The following SNTG2 variants were observed in gnomAD, a reference collection of about 807,000 sequenced individuals.
SNTG2 encodes the protein syntrophin gamma 2, also known as gamma-2-syntrophin.
A neutral mutation model predicts 70.9 loss-of-function variants in SNTG2; 74 were observed. That is an observed-to-expected ratio of 1.04 (90% CI 0.86 to 1.27). The LOEUF is 1.27. Ranked by LOEUF, SNTG2 falls within the 50% of genes most tolerant of loss-of-function variation. The pLI, the probability that SNTG2 is intolerant of heterozygous loss-of-function variation, is 0.00. For missense variants in SNTG2, 717 were observed against 690.7 expected, an observed-to-expected ratio of 1.04 and a Z score of -0.43; for synonymous variants, 278 against 273.8, an observed-to-expected ratio of 1.02 and a Z score of -0.15.
chr2:1,032,449 C>T (rs943840343), intron 1 of SNTG2, among the ~76,000 whole-genome samples: 1 of 152,094 alleles, frequency 6.6e-6, no homozygotes, highest in African/African-American at 2.4e-5. Flanking sequence ...TTTTAGATAG[C>T]CCAAAAATAT....
At chr2:1,140,553 G>A (rs1668679490) in intron 6 of SNTG2, among the ~76,000 whole-genome samples, 1 of 152,244 alleles carries the variant, frequency 6.6e-6, no homozygotes, top group Non-Finnish European at 1.5e-5. Context: ...CTGATCCCGA[G>A]TGAGGCGCTC....
At chr2:1,337,695 G>C (rs983848601) in intron 16 of SNTG2, among the ~76,000 whole-genome samples, 1 of 152,004 alleles carries the variant, frequency 6.6e-6, no homozygotes, top group African/African-American at 2.4e-5. Flanking sequence ...ATTAATGTTG[G>C]TGCAATCTAA....
At chr2:984,571 C>T (rs1277424782) in intron 1 of SNTG2, among the ~76,000 whole-genome samples, 2 of 152,192 alleles carry the variant, frequency 1.3e-5, no homozygotes, top group African/African-American at 4.8e-5. Flanking sequence ...CTGACTGCTT[C>T]TGGTTCCCCA....
chr2:1,218,461 C>G (rs1280657176), intron 9 of SNTG2, among the ~76,000 whole-genome samples: 1 of 152,240 alleles, frequency 6.6e-6, no homozygotes, highest in Admixed American at 6.5e-5. Context: ...CTTAGAAATT[C>G]ATCCTTTTAA....
intron 1 of SNTG2, among the ~76,000 whole-genome samples, chr2:977,420 C>T (rs968824043): frequency 6.6e-6 from 1 of 152,140 alleles, no homozygotes; most frequent in Non-Finnish European, 1.5e-5. Flanking sequence ...TGGGAAAGTT[C>T]GCTGGATTTA....
chr2:996,987 G>A (rs963692873), intron 1 of SNTG2, among the ~76,000 whole-genome samples: 1 of 151,992 alleles, frequency 6.6e-6, no homozygotes, highest in Admixed American at 6.6e-5. Context: ...TGTGTGTCTG[G>A]TCATCAACTC....
intron 1 of SNTG2, among the ~76,000 whole-genome samples, chr2:1,067,407 T>G (rs903204729): frequency 5.9e-5 from 9 of 152,256 alleles, no homozygotes; most frequent in African/African-American, 2.2e-4. Flanking sequence ...GAGCTGATTT[T>G]CATGGATCAC....
chr2:1,083,313 A>G (rs1664462851), intron 1 of SNTG2, among the ~76,000 whole-genome samples: 3 of 151,730 alleles, frequency 2.0e-5, no homozygotes, highest in Admixed American at 2.0e-4. Flanking sequence ...AATCCTACAA[A>G]AACGGCTCAG....
chr2:1,254,801 T>G (rs1262208200), intron 12 of SNTG2, among the ~76,000 whole-genome samples: 2 of 152,236 alleles, frequency 1.3e-5, no homozygotes, highest in Non-Finnish European at 2.9e-5. Context: ...ACCCATCTTG[T>G]CTACCATCCG....
chr2:1,282,540 A>C (rs572396522), intron 14 of SNTG2, among the ~76,000 whole-genome samples: 12 of 152,184 alleles, frequency 7.9e-5, no homozygotes, highest in Non-Finnish European at 1.8e-4. Context: ...GATGCTTTTT[A>C]ATTATAATCC....
At chr2:1,008,638 G>T (rs140779862) in intron 1 of SNTG2, among the ~76,000 whole-genome samples, 3 of 151,970 alleles carry the variant, frequency 2.0e-5, no homozygotes, top group African/African-American at 4.8e-5. Context: ...CTGTAATGTC[G>T]TAGAACTAAT....
chr2:1,366,644 G>A (rs1234579546), intron 16 of SNTG2, among the ~76,000 whole-genome samples: 2 of 152,172 alleles, frequency 1.3e-5, no homozygotes, highest in African/African-American at 2.4e-5. Context: ...GGACAGGGTG[G>A]GTGAACAAGG....
At chr2:1,246,419 G>T (rs142708654) in intron 11 of SNTG2, among the ~76,000 whole-genome samples, 224 of 152,322 alleles carry the variant, frequency 1.5e-3, no homozygotes, top group African/African-American at 5.2e-3. Flanking sequence ...GGCTGTGACG[G>T]GACTTACCTG....
intron 15 of SNTG2, among the ~76,000 whole-genome samples, chr2:1,310,610 C>G (rs572332524): frequency 1.3e-5 from 2 of 151,942 alleles, no homozygotes; most frequent in Non-Finnish European, 2.9e-5. Flanking sequence ...AGACACATTT[C>G]CTACCTTCAT....
intron 15 of SNTG2, among the ~76,000 whole-genome samples, chr2:1,309,479 A>G (rs1486731849): frequency 6.6e-6 from 1 of 152,182 alleles, no homozygotes; most frequent in Non-Finnish European, 1.5e-5. Context: ...CCCCCGAGGG[A>G]CACTTGGGCA....
chr2:1,122,705 TG>T (rs1254018054), intron 4 of SNTG2, among the ~76,000 whole-genome samples: 12 of 135,172 alleles, frequency 8.9e-5, no homozygotes, highest in Admixed American at 2.4e-4. Context: ...TGGAAGTACT[TG>T]CAATTAGCAA....
intron 1 of SNTG2, among the ~76,000 whole-genome samples, chr2:952,850 T>C (rs1660021417): frequency 6.6e-6 from 1 of 152,236 alleles, no homozygotes; most frequent in Non-Finnish European, 1.5e-5. Flanking sequence ...TTGGCAGGTT[T>C]GTCTTGAAAA....
At chr2:1,133,237 A>T (rs1184587647) in intron 4 of SNTG2, among the ~76,000 whole-genome samples, 1 of 152,250 alleles carries the variant, frequency 6.6e-6, no homozygotes, top group Non-Finnish European at 1.5e-5. Flanking sequence ...AAGACTTGGT[A>T]ACAAATATTA....
rs80223340 is a variant in SNTG2, at chr2:1,257,780, C to T, written c.1006-1590C>T. ...AGCTTACAAAAACCGTAACTCCACA[C>T]GGAAATTCTAAGCTGTAGTTACAGT... On this transcript the variant is annotated intron_variant, in intron 12 of 16. Coordinates refer to ENST00000308624, the MANE Select transcript of SNTG2 (RefSeq NM_018968.4). 8.0e-3 allele frequency among the ~76,000 whole-genome samples: 1,211 copies of T among 152,312 alleles called. 15 individuals are homozygous for T. Among genetic ancestry groups the T allele is most frequent in the African/African-American group, 0.028 (1,159 of 41,560 alleles).
Sources: allele counts gnomAD v4.1 joint callset (sites outside exome capture counted in the v4.1 genomes callset), GRCh38; gene constraint gnomAD v4.1.1; transcripts MANE v1.5; gene names NCBI Gene and HGNC (gene_info 2026-07-23, HGNC 2026-07-21).